Variants in CDH18 observed in about 807,000 individuals in gnomAD.
CDH18 encodes cadherin-18.
In CDH18, 31 loss-of-function variants were observed where a neutral mutation model predicts 67.9. The observed-to-expected ratio is 0.46, with a 90% confidence interval of 0.34 to 0.62. The LOEUF (loss-of-function observed/expected upper bound fraction) is 0.62, where lower values mean the gene tolerates loss of function less well. CDH18 is among the 20% of genes least tolerant of loss of function. The probability of loss-of-function intolerance (pLI) is 0.01; values close to 1 mark genes in which losing one functional copy is unlikely to be tolerated. For synonymous variants in CDH18, 362 were observed against 347.2 expected, an observed-to-expected ratio of 1.04 and a Z score of -0.48; for missense variants, 890 against 975.5, an observed-to-expected ratio of 0.91 and a Z score of 1.17.
chr5:19,652,769 C>G (rs1402659853), intron 5 of CDH18, among the ~76,000 whole-genome samples: 1 of 152,048 alleles, frequency 6.6e-6, no homozygotes, highest in Non-Finnish European at 1.5e-5. Context: ...CCACAAGAAA[C>G]AGAACTAGGC....
intron 1 of CDH18, chr5:20,305,658 C>A: frequency 4.9e-6 from 2 of 412,186 alleles, no homozygotes; most frequent in Admixed American, 3.8e-5. Context: ...GTGGGGGGAG[C>A]GGCGGTAGGG....
intron 2 of CDH18, among the ~76,000 whole-genome samples, chr5:20,211,563 C>T (rs1403702335): frequency 1.3e-5 from 2 of 152,158 alleles, no homozygotes; most frequent in African/African-American, 4.8e-5. Context: ...AAGGATCAGG[C>T]AGCAACATTT....
intron 1 of CDH18, among the ~76,000 whole-genome samples, chr5:20,460,446 A>G (rs201872799): frequency 6.6e-6 from 1 of 151,574 alleles, no homozygotes; most frequent in East Asian, 1.9e-4. Flanking sequence ...TAAATAAAAT[A>G]TGTTGCGTGA....
Position 19,839,038 on chromosome 5 carries a change from G to T in CDH18, c.-52C>A. 1 of 1,453,020 alleles carries T rather than the reference G, an allele frequency of 6.9e-7. No individual in the cohort carries two copies. Among genetic ancestry groups the T allele is most frequent in the South Asian group, 1.2e-5 (1 of 86,700 alleles). 90.0% of individuals were successfully genotyped at this position (1,453,020 alleles called of 1,614,324 possible). On this transcript the variant is annotated 5_prime_UTR_variant, in exon 3 of 13. The change creates a premature stop within an existing upstream ORF in the 5' untranslated region. Coordinates refer to ENST00000382275, the MANE Select transcript of CDH18 (RefSeq NM_004934.5). ...TTTCCTTCCTTTCCTTGTCAGCTAC[G>T]AAAGCTTAGTGAGCATTCAAGAGAG...
At chr5:19,911,187 C>G (rs1224150179) in intron 2 of CDH18, among the ~76,000 whole-genome samples, 3 of 152,078 alleles carry the variant, frequency 2.0e-5, no homozygotes, top group Non-Finnish European at 2.9e-5. Context: ...TTGGATTATA[C>G]TCCTCTCCCT....
intron 3 of CDH18, among the ~76,000 whole-genome samples, chr5:19,761,532 A>C (rs2149705815): frequency 6.6e-6 from 1 of 152,214 alleles, no homozygotes; most frequent in Admixed American, 6.5e-5. Context: ...TTCTGGGTCT[A>C]ATCATATTAG....
At chr5:19,484,479 C>T (rs1400745615) in intron 11 of CDH18, among the ~76,000 whole-genome samples, 4 of 152,166 alleles carry the variant, frequency 2.6e-5, no homozygotes, top group African/African-American at 7.2e-5. Context: ...TGTTATTCCT[C>T]GTCCCTGAAT....
rs943732123 is a variant in CDH18, at chr5:19,804,978, T to C, written c.228+33781A>G. On this transcript the variant is annotated intron_variant, in intron 3 of 12. Transcript: ENST00000382275. ...TTTTTTTTTTTGGACAGGGTGTGGC[T>C]CTGTCACCCAGGCTGAAGTCCCATG... Among the ~76,000 whole-genome samples the C allele has an allele frequency of 4.6e-4, 70 of 151,474 alleles. 1 individual carries two copies. The highest frequency in any genetic ancestry group is 1.5e-5 in the Non-Finnish European group (1 of 67,928).
chr5:19,801,814 T>G lies in CDH18; in HGVS notation c.228+36945A>C, dbSNP rs141602047. On this transcript the variant is annotated intron_variant, in intron 3 of 12. Coordinates refer to ENST00000382275, the MANE Select transcript of CDH18 (RefSeq NM_004934.5). ...AGCTCTCCAGAAAGAGCTTTTGGTC[T>G]CCCACAGCTGCATTACTTATTGACA... Among the ~76,000 whole-genome samples, 257 of 152,296 alleles carry G rather than the reference T, an allele frequency of 1.7e-3. 1 individual carries two copies. The highest frequency in any genetic ancestry group is 6.1e-3 in the African/African-American group (252 of 41,560).
At chr5:20,080,356 A>G (rs1744346066) in intron 2 of CDH18, among the ~76,000 whole-genome samples, 1 of 152,142 alleles carries the variant, frequency 6.6e-6, no homozygotes, top group Non-Finnish European at 1.5e-5. Context: ...TAATTTAGTA[A>G]TAGTGTGCAA....
intron 5 of CDH18, among the ~76,000 whole-genome samples, chr5:19,657,721 A>G (rs1432422967): frequency 1.3e-5 from 2 of 152,190 alleles, no homozygotes; most frequent in Non-Finnish European, 2.9e-5. Flanking sequence ...TCTATAAAAC[A>G]TCTTCTCTTT....
At chr5:20,041,229 C>T (rs1310213887) in intron 2 of CDH18, among the ~76,000 whole-genome samples, 1 of 152,154 alleles carries the variant, frequency 6.6e-6, no homozygotes, top group Non-Finnish European at 1.5e-5. Flanking sequence ...CACCAATATG[C>T]TATATTCTAT....
chr5:20,252,433 A>C (rs1415985536), intron 2 of CDH18, among the ~76,000 whole-genome samples: 1 of 152,162 alleles, frequency 6.6e-6, no homozygotes, highest in Non-Finnish European at 1.5e-5. Flanking sequence ...TATATTTTTC[A>C]ATATTGACAC....
At chr5:19,968,336 A>G (rs1797676880) in intron 2 of CDH18, among the ~76,000 whole-genome samples, 1 of 152,172 alleles carries the variant, frequency 6.6e-6, no homozygotes, top group African/African-American at 2.4e-5. Context: ...AATTGAAAAA[A>G]AATTACTTTA....
At chr5:19,580,104 G>C (rs945285058) in intron 7 of CDH18, among the ~76,000 whole-genome samples, 1 of 151,702 alleles carries the variant, frequency 6.6e-6, no homozygotes, top group Middle Eastern at 3.2e-3. Context: ...TGCATACAAC[G>C]TGTAATAATC....
chr5:19,892,511 A>G (rs1242249278), intron 2 of CDH18, among the ~76,000 whole-genome samples: 1 of 152,136 alleles, frequency 6.6e-6, no homozygotes, highest in African/African-American at 2.4e-5. Context: ...ACAGTCTCCA[A>G]CGATCTGTAA....
chr5:20,387,849 G>T (rs1251526276), intron 1 of CDH18, among the ~76,000 whole-genome samples: 1 of 152,148 alleles, frequency 6.6e-6, no homozygotes, highest in Non-Finnish European at 1.5e-5. Context: ...CATTGGTTCT[G>T]TTTATATGCT....
intron 3 of CDH18, among the ~76,000 whole-genome samples, chr5:19,828,410 A>G (rs1780649467): frequency 1.3e-5 from 2 of 151,082 alleles, no homozygotes; most frequent in South Asian, 4.2e-4. Context: ...CAGATACACA[A>G]CAAAAACAAC....
chr5:20,317,280 G>A (rs974796795), intron 1 of CDH18, among the ~76,000 whole-genome samples: 1 of 151,926 alleles, frequency 6.6e-6, no homozygotes, highest in Non-Finnish European at 1.5e-5. Flanking sequence ...GTGTAAAGAA[G>A]CATTTATTTA....
Sources: allele counts gnomAD v4.1 joint callset (sites outside exome capture counted in the v4.1 genomes callset), GRCh38; gene constraint gnomAD v4.1.1; transcripts MANE v1.5; gene names NCBI Gene and HGNC (gene_info 2026-07-23, HGNC 2026-07-21).